The following LY86 variants were observed in gnomAD, a reference collection of about 807,000 sequenced individuals.
The protein encoded by LY86 is MD-1, RP105-associated.
LY86 carries 20 observed loss-of-function variants against 17.3 expected under a neutral mutation model. The observed-to-expected ratio is 1.15, with a 90% CI of 0.81 to 1.68. LY86 has a LOEUF of 1.68. LY86 is among the 40% of genes most tolerant of loss of function. The pLI, the probability that LY86 is intolerant of heterozygous loss-of-function variation, is 0.00. For missense variants in LY86, 200 were observed against 191.9 expected (o/e 1.04, Z -0.25); for synonymous variants, 74 against 70.6 (o/e 1.05, Z -0.24).
chr6:6,617,446 G>A (rs1581244247), intron 1 of LY86, among the ~76,000 whole-genome samples: 1 of 152,170 alleles, frequency 6.6e-6, no homozygotes, highest in Non-Finnish European at 1.5e-5. Context: ...TGATGATAAT[G>A]AGACTATAAT....
intron 3 of LY86, among the ~76,000 whole-genome samples, chr6:6,638,663 T>C (rs985727899): frequency 1.3e-5 from 2 of 152,128 alleles, no homozygotes; most frequent in African/African-American, 4.8e-5. Context: ...CTATTTTTTT[T>C]TATTATTATT....
intron 3 of LY86, among the ~76,000 whole-genome samples, chr6:6,630,788 C>T (rs76645808): frequency 0.017 from 2,524 of 152,242 alleles, 54 homozygotes; most frequent in African/African-American, 0.057. Context: ...AGCCACAGGT[C>T]GCGACTGAGC....
chr6:6,605,560 C>G (rs1193666522), intron 1 of LY86, among the ~76,000 whole-genome samples: 1 of 152,264 alleles, frequency 6.6e-6, no homozygotes. Flanking sequence ...GTGCTTCCCA[C>G]GGAGTGGGAG....
At chr6:6,600,216 T>C (rs890844452) in intron 1 of LY86, among the ~76,000 whole-genome samples, 2 of 150,764 alleles carry the variant, frequency 1.3e-5, no homozygotes, top group African/African-American at 4.8e-5. Context: ...AGGGCTGCCT[T>C]CCTCTGTGAT....
At chr6:6,640,070 G>A (rs894316826) in intron 3 of LY86, among the ~76,000 whole-genome samples, 1 of 152,020 alleles carries the variant, frequency 6.6e-6, no homozygotes, top group African/African-American at 2.4e-5. Flanking sequence ...TTCCCTTATT[G>A]GGCCATTATT....
chr6:6,607,479 ATAAAC>A (rs1474274228), intron 1 of LY86, among the ~76,000 whole-genome samples: 10 of 152,220 alleles, frequency 6.6e-5, no homozygotes, highest in Non-Finnish European at 1.5e-4. Context: ...TTTCCAAACT[ATAAAC>A]AAAACAATAA....
chr6:6,642,840 T>C lies in LY86; in HGVS notation c.353-6785T>C, dbSNP rs547984471. On this transcript the variant is annotated intron_variant, in intron 3 of 4. Transcript: ENST00000230568. ...AATAAAGACTGTATCCAGAGCTCAC[T>C]AGAACGAAGCCATGCACTCCCTCCC... Among the ~76,000 whole-genome samples the C allele has an allele frequency of 5.3e-5, 8 of 152,308 alleles. No individual in the cohort carries two copies. The South Asian group carries it at 1.4e-3, about 28-fold the overall frequency.
Position 6,649,627 on chromosome 6 carries a change from C to A in LY86, c.355C>A (p.Gln119Lys). 1 of 1,554,108 alleles carries A rather than the reference C, an allele frequency of 6.4e-7. No individual in the cohort carries two copies. The highest frequency in any genetic ancestry group is 8.8e-7 in the Non-Finnish European group (1 of 1,135,630). Residue 119 changes from glutamine (Q) to lysine (K), a missense_variant and splice_region_variant, in exon 4 of 5, where the codon CAG (glutamine) becomes AAG (lysine). Gln to Lys is a moderately conservative substitution (Grantham distance 53, BLOSUM62 1). Coordinates refer to ENST00000230568, the MANE Select transcript of LY86 (RefSeq NM_004271.4). ...FSFCGRRKGE[Q>K]IYYAGPVNNP... ...CTATGCTTTATATATTTTTTCAGAGCAGATTTACTATGCTGGGCCTGTCAA... is the reference window on the plus strand; with the variant it reads ...CTATGCTTTATATATTTTTTCAGAGAAGATTTACTATGCTGGGCCTGTCAA...
At chr6:6,615,043 T>C (rs940792904) in intron 1 of LY86, among the ~76,000 whole-genome samples, 4 of 152,194 alleles carry the variant, frequency 2.6e-5, no homozygotes, top group African/African-American at 9.7e-5. Context: ...AGGACATCTA[T>C]GAAGGGGTTA....
In LY86 at chr6:6,654,980, C is replaced by A; in HGVS notation, c.*353C>A. The A allele has an allele frequency of 4.4e-6, 1 of 229,462 alleles. No individual in the cohort carries two copies. Among genetic ancestry groups the A allele is most frequent in the East Asian group, 1.1e-4 (1 of 9,284 alleles). The allele number at this position is 229,462 out of a possible 1,614,324, so 14.2% of individuals were successfully genotyped here. On this transcript the variant is annotated 3_prime_UTR_variant, in exon 5 of 5. Transcript: ENST00000230568. The stretch of plus-strand genomic sequence containing the variant: ...TACCAAGAATAAAGAAAGCTGGCCA[C>A]CATTGTTCATTGTGGTTTGTTCAAA...
At chr6:6,595,640 G>A (rs921006453) in intron 1 of LY86, among the ~76,000 whole-genome samples, 1 of 151,584 alleles carries the variant, frequency 6.6e-6, no homozygotes, top group Non-Finnish European at 1.5e-5. Context: ...CCACATCTCC[G>A]TTTTTCAGCC....
intron 1 of LY86, among the ~76,000 whole-genome samples, chr6:6,607,824 CG>C (rs1761229881): frequency 6.6e-6 from 1 of 151,914 alleles, no homozygotes; most frequent in Non-Finnish European, 1.5e-5. Context: ...CGCTTGAACC[CG>C]GGAGGCAAAG....
chr6:6,606,347 C>G (rs1037444957), intron 1 of LY86, among the ~76,000 whole-genome samples: 1 of 152,182 alleles, frequency 6.6e-6, no homozygotes, highest in Non-Finnish European at 1.5e-5. Flanking sequence ...TATTTACAAT[C>G]CCTTAGGTAG....
At chr6:6,637,759 G>A (rs973767193) in intron 3 of LY86, among the ~76,000 whole-genome samples, 1 of 152,114 alleles carries the variant, frequency 6.6e-6, no homozygotes, top group Non-Finnish European at 1.5e-5. Flanking sequence ...TAGCTTTCCA[G>A]TCGCATTACT....
At chr6:6,589,317 A>T (rs1319501351) in intron 1 of LY86, among the ~76,000 whole-genome samples, 3 of 152,214 alleles carry the variant, frequency 2.0e-5, no homozygotes, top group African/African-American at 4.8e-5. Flanking sequence ...CCCAAAGAGA[A>T]GATTCCTGTC....
chr6:6,596,179 T>C (rs1307219382), intron 1 of LY86, among the ~76,000 whole-genome samples: 1 of 152,184 alleles, frequency 6.6e-6, no homozygotes, highest in Non-Finnish European at 1.5e-5. Context: ...ACGGGACAAT[T>C]AATCAGACTT....
intron 1 of LY86, among the ~76,000 whole-genome samples, chr6:6,622,395 C>T (rs1761701624): frequency 6.6e-6 from 1 of 152,160 alleles, no homozygotes; most frequent in South Asian, 2.1e-4. Context: ...GAGGATTCAC[C>T]TTCCTAAGCA....
At chr6:6,624,400 ATGGGATGGGT>A (rs200217152) in intron 1 of LY86, among the ~76,000 whole-genome samples, 2 of 122,962 alleles carry the variant, frequency 1.6e-5, no homozygotes, top group East Asian at 2.7e-4. Flanking sequence ...ATGGGATGGG[ATGGGATGGGT>A]TGGGATGGGA....
chr6:6,624,742 G>A (rs1459204152), intron 1 of LY86, among the ~76,000 whole-genome samples, 184 bp from the exon 2 acceptor site: 2 of 152,162 alleles, frequency 1.3e-5, no homozygotes, highest in East Asian at 3.8e-4. Context: ...TGAACATGAT[G>A]TTGGCTTTGA....
Sources: allele counts gnomAD v4.1 joint callset (sites outside exome capture counted in the v4.1 genomes callset), GRCh38; gene constraint gnomAD v4.1.1; transcripts MANE v1.5; gene names NCBI Gene and HGNC (gene_info 2026-07-23, HGNC 2026-07-21).